Variants in RORB observed in about 807,000 individuals in gnomAD.
RORB encodes the protein nuclear receptor ROR-beta.
Under a neutral mutation model 59.1 loss-of-function variants are expected in RORB, and 6 were observed. The ratio of observed to expected loss-of-function variants is 0.10; its 90% CI spans 0.06 to 0.20. The LOEUF is 0.20. Among genes scored for constraint, RORB ranks in the 10% least tolerant of loss-of-function variants. RORB has a pLI of 1.00. For missense variants in RORB, 320 were observed against 560.5 expected (o/e 0.57, Z 4.33); for synonymous variants, 215 against 204.5 (o/e 1.05, Z -0.44).
intron 3 of RORB, among the ~76,000 whole-genome samples, chr9:74,635,329 AG>A (rs1823683485): frequency 6.6e-6 from 1 of 152,160 alleles, no homozygotes; most frequent in African/African-American, 2.4e-5. Context: ...AGTCTTAGAA[AG>A]GCTGTGTAGG....
intron 1 of RORB, among the ~76,000 whole-genome samples, chr9:74,545,871 C>T (rs1482837409): frequency 1.3e-5 from 2 of 151,846 alleles, no homozygotes; most frequent in East Asian, 1.9e-4. Context: ...ATGGACCTTT[C>T]GTAGAGCCTT....
chr9:74,628,035 A>C (rs1016137031), intron 1 of RORB, among the ~76,000 whole-genome samples: 1 of 152,184 alleles, frequency 6.6e-6, no homozygotes, highest in Non-Finnish European at 1.5e-5. Context: ...TGAACCTCAC[A>C]AATCTATGAA....
intron 8 of RORB, among the ~76,000 whole-genome samples, chr9:74,668,528 T>C (rs1824302335): frequency 6.6e-6 from 1 of 152,240 alleles, no homozygotes; most frequent in African/African-American, 2.4e-5. Flanking sequence ...TAGCTTACTG[T>C]TGACCGGAAG....
At chr9:74,608,711 A>T (rs1178776899) in intron 1 of RORB, among the ~76,000 whole-genome samples, 2 of 152,246 alleles carry the variant, frequency 1.3e-5, no homozygotes, top group East Asian at 3.9e-4. Context: ...CATGGATTTG[A>T]ATCAAAGTTA....
chr9:74,641,815 G>A (rs1440409797), intron 3 of RORB, among the ~76,000 whole-genome samples: 1 of 152,110 alleles, frequency 6.6e-6, no homozygotes, highest in East Asian at 1.9e-4. Flanking sequence ...GCCAAGGTGG[G>A]AGGATTGCTT....
chr9:74,499,503 A>C (rs1277597205), intron 1 of RORB, among the ~76,000 whole-genome samples: 1 of 152,146 alleles, frequency 6.6e-6, no homozygotes, highest in Admixed American at 6.5e-5. Flanking sequence ...TTGACTGTAG[A>C]TAAGAAACAA....
intron 1 of RORB, among the ~76,000 whole-genome samples, chr9:74,606,356 T>G (rs986591258): frequency 1.3e-5 from 2 of 152,258 alleles, no homozygotes; most frequent in Non-Finnish European, 2.9e-5. Flanking sequence ...GATGTAGTTC[T>G]TCAATGATGC....
intron 1 of RORB, among the ~76,000 whole-genome samples, chr9:74,568,586 G>C (rs927730782): frequency 6.6e-6 from 1 of 151,478 alleles, no homozygotes; most frequent in African/African-American, 2.4e-5. Context: ...TATAATCCCA[G>C]CTACTCGGGA....
chr9:74,502,438 C>A (rs1351064873), intron 1 of RORB, among the ~76,000 whole-genome samples: 10 of 151,894 alleles, frequency 6.6e-5, no homozygotes, highest in Non-Finnish European at 1.5e-4. Context: ...CTTTTATAAA[C>A]CTGTATTCAC....
At chr9:74,520,873 C>A (rs919334633) in intron 1 of RORB, among the ~76,000 whole-genome samples, 1 of 151,766 alleles carries the variant, frequency 6.6e-6, no homozygotes, top group Non-Finnish European at 1.5e-5. Flanking sequence ...TTGCTCCACA[C>A]TATTGCAGGC....
At chr9:74,675,578 G>A (rs1026153634) in intron 9 of RORB, among the ~76,000 whole-genome samples, 2 of 152,120 alleles carry the variant, frequency 1.3e-5, no homozygotes, top group African/African-American at 2.4e-5. Flanking sequence ...ATATTTTACT[G>A]TTATAAAAAG....
chr9:74,594,914 A>G (rs1336240977), intron 1 of RORB, among the ~76,000 whole-genome samples: 1 of 152,076 alleles, frequency 6.6e-6, no homozygotes, highest in African/African-American at 2.4e-5. Context: ...TCCCCTTTTT[A>G]TGTGTATGTG....
intron 1 of RORB, among the ~76,000 whole-genome samples, chr9:74,577,452 C>A (rs1039031953): frequency 6.6e-6 from 1 of 152,040 alleles, no homozygotes; most frequent in Admixed American, 6.6e-5. Flanking sequence ...CACTGTCAGG[C>A]ATCACAGTAC....
intron 1 of RORB, among the ~76,000 whole-genome samples, chr9:74,503,223 G>T (rs1450497093): frequency 6.6e-6 from 1 of 151,938 alleles, no homozygotes; most frequent in Non-Finnish European, 1.5e-5. Flanking sequence ...TATTATTCCT[G>T]TAATTTTGTA....
intron 1 of RORB, among the ~76,000 whole-genome samples, chr9:74,544,936 C>T (rs1348099129): frequency 6.6e-6 from 1 of 152,066 alleles, no homozygotes; most frequent in Non-Finnish European, 1.5e-5. Flanking sequence ...AATGGGGAGG[C>T]CATTTAACTC....
At chr9:74,542,099 C>A (rs1826415893) in intron 1 of RORB, among the ~76,000 whole-genome samples, 1 of 151,984 alleles carries the variant, frequency 6.6e-6, no homozygotes, top group Non-Finnish European at 1.5e-5. Context: ...AACTTCAATC[C>A]AGACTTCAAA....
chr9:74,551,139 T>C (rs1472608108), intron 1 of RORB, among the ~76,000 whole-genome samples: 1 of 152,200 alleles, frequency 6.6e-6, no homozygotes, highest in Non-Finnish European at 1.5e-5. Flanking sequence ...ATTTGTTGTT[T>C]TCACATTATG....
intron 2 of RORB, among the ~76,000 whole-genome samples, chr9:74,634,409 A>G (rs901758084): frequency 6.6e-6 from 1 of 152,266 alleles, no homozygotes; most frequent in Non-Finnish European, 1.5e-5. Flanking sequence ...GAATGAATGA[A>G]TGAATGAATG....
In RORB at chr9:74,497,846, G is replaced by T; in HGVS notation, c.-131G>T. ...TGCAGCCACGGCGTCCGCCTAAAGG[G>T]ATGGTTTTCTCGGCAGAGCAGCTCT... On this transcript the variant is annotated 5_prime_UTR_variant, in exon 1 of 10. Transcript: ENST00000376896. 8.9e-7 allele frequency: 1 copy of T among 1,124,884 alleles called. No homozygotes were observed. The highest frequency in any genetic ancestry group is 1.3e-6 in the Non-Finnish European group (1 of 768,152). 69.7% of individuals were successfully genotyped at this position (1,124,884 alleles called of 1,614,324 possible). A position where few individuals can be genotyped will look rare whatever the true frequency, so the allele number is the denominator to read the frequency against.
Sources: gnomAD v4.1 joint callset for allele counts (sites outside exome capture counted in the v4.1 genomes callset) on GRCh38, gnomAD v4.1.1 for gene constraint, MANE v1.5 for transcripts, NCBI Gene and HGNC (gene_info 2026-07-23, HGNC 2026-07-21) for gene names.